The following DLC1 variants were observed in gnomAD, a reference collection of about 807,000 sequenced individuals.
The protein encoded by DLC1 is rho GTPase-activating protein 7.
Under a neutral mutation model 140.3 loss-of-function variants are expected in DLC1, and 54 were observed. The observed-to-expected ratio is 0.38, with a 90% CI of 0.31 to 0.48. The LOEUF is 0.48. DLC1 is among the 20% of genes least tolerant of loss of function. The pLI, the probability that DLC1 is intolerant of heterozygous loss-of-function variation, is 0.96. For missense variants in DLC1, 2,536 were observed against 1,907.0 expected (o/e 1.33, Z -6.14); for synonymous variants, 986 against 728.1 (o/e 1.35, Z -5.70).
At chr8:13,582,634 C>T (rs147255346) in intron 1 of DLC1, among the ~76,000 whole-genome samples, 108 of 151,956 alleles carry the variant, frequency 7.1e-4, no homozygotes, top group East Asian at 5.6e-3. Flanking sequence ...AGCCTGCAAA[C>T]GGCCTATTGC....
At chr8:13,407,942 C>G (rs934044461) in intron 2 of DLC1, among the ~76,000 whole-genome samples, 3 of 152,114 alleles carry the variant, frequency 2.0e-5, no homozygotes, top group African/African-American at 4.8e-5. Context: ...TCTAGACTTT[C>G]CTTTCTTAAA....
chr8:13,453,715 A>T (rs943437333), intron 2 of DLC1, among the ~76,000 whole-genome samples: 1 of 150,856 alleles, frequency 6.6e-6, no homozygotes, highest in African/African-American at 2.4e-5. Flanking sequence ...GTTTTCTTTT[A>T]TTCAACGTCC....
At chr8:13,318,619 A>G (rs1490684103) in intron 4 of DLC1, among the ~76,000 whole-genome samples, 2 of 152,210 alleles carry the variant, frequency 1.3e-5, no homozygotes, top group South Asian at 2.1e-4. Context: ...AGATATTGGT[A>G]TGGATTTTAA....
intron 5 of DLC1, among the ~76,000 whole-genome samples, chr8:13,168,214 A>C (rs937861423): frequency 1.3e-5 from 2 of 152,198 alleles, no homozygotes; most frequent in Admixed American, 1.3e-4. Flanking sequence ...AGACAGCACA[A>C]ATAGCCTTTA....
chr8:13,103,216 C>T (rs571472124), intron 7 of DLC1, among the ~76,000 whole-genome samples: 2 of 152,112 alleles, frequency 1.3e-5, no homozygotes, highest in Middle Eastern at 3.4e-3. Flanking sequence ...GAGGCTGAGG[C>T]AGGAGAATGG....
intron 1 of DLC1, among the ~76,000 whole-genome samples, chr8:13,534,263 CA>C (rs1189225463): frequency 1.9e-4 from 29 of 152,284 alleles, no homozygotes; most frequent in East Asian, 7.7e-4. Flanking sequence ...GATACCCATG[CA>C]GTAGGAATGT....
intron 1 of DLC1, among the ~76,000 whole-genome samples, chr8:13,509,128 A>G (rs750336062): frequency 2.0e-5 from 3 of 152,228 alleles, no homozygotes; most frequent in Non-Finnish European, 4.4e-5. Context: ...CACGGATTAT[A>G]ATGTTTTATC....
At chr8:13,154,240 C>T (rs1269695695) in intron 5 of DLC1, among the ~76,000 whole-genome samples, 1 of 152,236 alleles carries the variant, frequency 6.6e-6, no homozygotes, top group African/African-American at 2.4e-5. Flanking sequence ...GGGTGGTCAC[C>T]ATGGAGCAGC....
rs1491415150 is a variant in DLC1, at chr8:13,413,256, A to ACTTTTTTTTTTTTTTT, written c.1024-11638_1024-11637insAAAAAAAAAAAAAAAG. Reference sequence around the variant, plus strand: ...TAAAACATTATGAGATTTTTTTGCGATTTTTTTTTTTTTTTTTTTTTAGCT... The same window carrying ACTTTTTTTTTTTTTTT: ...TAAAACATTATGAGATTTTTTTGCGACTTTTTTTTTTTTTTTTTTTTTTTTTTTTTTTTTTTTAGCT... On this transcript the variant is annotated intron_variant, in intron 2 of 17. Transcript: ENST00000276297. 1.7e-4 allele frequency among the ~76,000 whole-genome samples: 14 copies of ACTTTTTTTTTTTTTTT among 82,022 alleles called. 1 individual carries two copies. Among genetic ancestry groups the ACTTTTTTTTTTTTTTT allele is most frequent in the Non-Finnish European group, 1.6e-4 (7 of 44,146 alleles). The allele number at this position is 82,022 out of a possible 152,430, so 53.8% of individuals were successfully genotyped here. A position where few individuals can be genotyped will look rare whatever the true frequency, so the allele number is the denominator to read the frequency against.
intron 5 of DLC1, among the ~76,000 whole-genome samples, chr8:13,189,868 G>A (rs1826642455): frequency 7.5e-6 from 1 of 134,106 alleles, no homozygotes; most frequent in Non-Finnish European, 1.6e-5. Flanking sequence ...GGCAACAAGA[G>A]CGAAACTCCA....
intron 1 of DLC1, among the ~76,000 whole-genome samples, chr8:13,513,830 C>T (rs1000928844): frequency 1.3e-5 from 2 of 152,098 alleles, no homozygotes; most frequent in Admixed American, 6.6e-5. Context: ...GGAGTGATTT[C>T]TGGCTGCCTT....
intron 5 of DLC1, among the ~76,000 whole-genome samples, chr8:13,148,825 C>T (rs763938457): frequency 6.6e-6 from 1 of 152,086 alleles, no homozygotes; most frequent in South Asian, 2.1e-4. Context: ...TGGAGTCTTG[C>T]TCTGTCTCCC....
At chr8:13,228,814 T>A (rs2099463566) in intron 5 of DLC1, among the ~76,000 whole-genome samples, 1 of 152,178 alleles carries the variant, frequency 6.6e-6, no homozygotes, top group Non-Finnish European at 1.5e-5. Context: ...AAATGGTCGA[T>A]GAGCATGAAA....
chr8:13,392,141 A>T (rs1316551794), intron 4 of DLC1, among the ~76,000 whole-genome samples: 1 of 152,170 alleles, frequency 6.6e-6, no homozygotes, highest in Non-Finnish European at 1.5e-5. Flanking sequence ...ACCCCGAAAG[A>T]TCATTGTGCA....
intron 1 of DLC1, among the ~76,000 whole-genome samples, chr8:13,543,200 A>G (rs1281235972): frequency 6.6e-6 from 1 of 152,150 alleles, no homozygotes; most frequent in Non-Finnish European, 1.5e-5. Flanking sequence ...GTTTAGTCAA[A>G]TTCACAAAAA....
intron 5 of DLC1, among the ~76,000 whole-genome samples, chr8:13,303,187 A>G (rs1173024738): frequency 6.6e-6 from 1 of 152,210 alleles, no homozygotes; most frequent in Non-Finnish European, 1.5e-5. Flanking sequence ...TTCTGGAGTA[A>G]ATTCCAATCA....
intron 4 of DLC1, among the ~76,000 whole-genome samples, chr8:13,315,288 G>C (rs1349370317): frequency 1.3e-5 from 2 of 152,164 alleles, no homozygotes; most frequent in African/African-American, 4.8e-5. Context: ...ATAATAAAAA[G>C]AAACTGATCA....
At chr8:13,236,010 T>C (rs1204352284) in intron 5 of DLC1, among the ~76,000 whole-genome samples, 1 of 151,986 alleles carries the variant, frequency 6.6e-6, no homozygotes, top group Non-Finnish European at 1.5e-5. Flanking sequence ...AATTAAGATA[T>C]TAACCAAATT....
chr8:13,253,412 C>T (rs1041140728), intron 5 of DLC1, among the ~76,000 whole-genome samples: 1 of 150,390 alleles, frequency 6.6e-6, no homozygotes, highest in Non-Finnish European at 1.5e-5. Context: ...GGTGGTTCTC[C>T]TCTAGAAAAA....
Sources: gnomAD v4.1 joint callset for allele counts (sites outside exome capture counted in the v4.1 genomes callset) on GRCh38, gnomAD v4.1.1 for gene constraint, MANE v1.5 for transcripts, NCBI Gene and HGNC (gene_info 2026-07-23, HGNC 2026-07-21) for gene names.